Variants in IWS1 observed in about 807,000 individuals in gnomAD.
IWS1 encodes the protein interacts with SUPT6H, CTD assembly factor 1.
Under a neutral mutation model 86.7 loss-of-function variants are expected in IWS1, and 27 were observed. The observed-to-expected ratio is 0.31, with a 90% confidence interval of 0.23 to 0.43. The LOEUF is 0.43. Among genes scored for constraint, IWS1 ranks in the 20% least tolerant of loss-of-function variants. The probability of loss-of-function intolerance (pLI) is 1.00; values close to 1 mark genes in which losing one functional copy is unlikely to be tolerated. For synonymous variants in IWS1, 313 were observed against 335.1 expected (o/e 0.93, Z 0.72); for missense variants, 827 against 1,000.8 (o/e 0.83, Z 2.34).
intron 5 of IWS1, among the ~76,000 whole-genome samples, chr2:127,500,305 G>GT (rs2104690390): frequency 6.6e-6 from 1 of 152,228 alleles, no homozygotes; most frequent in African/African-American, 2.4e-5. Flanking sequence ...CTGTTCCCTG[G>GT]TTTTTTCGAT....
intron 4 of IWS1, 31 bp downstream of exon 4, chr2:127,503,356 C>A (rs1422725387): frequency 3.2e-6 from 5 of 1,544,028 alleles, no homozygotes; most frequent in Non-Finnish European, 4.4e-6. Context: ...AATTAAGAAC[C>A]CCTGAAAACT....
rs892930682 is a variant in IWS1 at position 127,480,895 on chromosome 2, T to C, written c.*149A>G. ...ACAAAGTACACAACGGTTTTAAATA[T>C]AACTGAGAGAAATGTGAGTCCTATG... On this transcript the variant is annotated 3_prime_UTR_variant, in exon 14 of 14. Transcript: ENST00000295321. The C allele has an allele frequency of 1.9e-5, 15 of 792,538 alleles. No homozygotes were observed. The Middle Eastern group carries it at 7.3e-4, about 38-fold the overall frequency. The allele number at this position is 792,538 out of a possible 1,614,324, so 49.1% of individuals were successfully genotyped here.
chr2:127,509,266 AAAAG>A (rs1186561761), intron 2 of IWS1, among the ~76,000 whole-genome samples: 2 of 152,192 alleles, frequency 1.3e-5, no homozygotes, highest in African/African-American at 4.8e-5. Context: ...AAAAAAATCC[AAAAG>A]ACAGTTTTTT....
chr2:127,493,946 G>A (rs925302017), intron 8 of IWS1, among the ~76,000 whole-genome samples: 1 of 151,882 alleles, frequency 6.6e-6, no homozygotes, highest in Admixed American at 6.6e-5. Context: ...ACCTGCCACA[G>A]ATAGTTTCCC....
In IWS1 at chr2:127,489,636, G is replaced by A. The variant is rs1355333646; in HGVS notation, c.2159+196C>T. The A allele has an allele frequency of 1.6e-5, 9 of 556,574 alleles. No homozygotes were observed. The highest frequency in any genetic ancestry group is 2.9e-5 in the Non-Finnish European group (9 of 315,084). 34.5% of individuals were successfully genotyped at this position (556,574 alleles called of 1,614,324 possible). A position where few individuals can be genotyped will look rare whatever the true frequency, so the allele number is the denominator to read the frequency against. ...CTGTTCCAACAAACTGACCCAGAAA[G>A]GTCTGGTTAGGAGGACAGGACCCTC... On this transcript the variant is annotated intron_variant, in intron 11 of 13. Transcript: ENST00000295321. The surrounding 1 kb of genome is among the most constrained non-coding windows in gnomAD (Gnocchi z 4.8).
intron 8 of IWS1, 113 bp from the exon 9 acceptor site, chr2:127,493,523 T>C: frequency 1.1e-6 from 1 of 943,400 alleles, no homozygotes; most frequent in East Asian, 2.9e-5. Flanking sequence ...GCGTTACTCA[T>C]ATAAATTTGA....
chr2:127,489,167 T>C lies in IWS1; in HGVS notation c.2216+12A>G. 6.2e-7 allele frequency: 1 copy of C among 1,601,228 alleles called. No homozygotes were observed. Among genetic ancestry groups the C allele is most frequent in the Non-Finnish European group, 8.6e-7 (1 of 1,169,346 alleles). On this transcript the variant is annotated intron_variant, in intron 12 of 13. Coordinates refer to ENST00000295321, the MANE Select transcript of IWS1 (RefSeq NM_017969.3). This position sits in a 1 kb window ranked among gnomAD's most constrained non-coding sequence, Gnocchi z 4.8. ...TATAGTCTAGGAAGAAAAATTAACA[T>C]TAAAACCTTACTTCTCCTCTCCTGT...
At chr2:127,516,033 G>A (rs1318904125) in intron 2 of IWS1, among the ~76,000 whole-genome samples, 1 of 152,106 alleles carries the variant, frequency 6.6e-6, no homozygotes, top group East Asian at 1.9e-4. Flanking sequence ...GAATACTGGG[G>A]CCCTAATCAC....
Position 127,505,582 on chromosome 2 carries a change from A to T in IWS1, c.321T>A (p.Asp107Glu). ...SEERAEPPAS[D>E]SENEDVNQHG... ...GCTGATTGACATCCTCATTTTCAGA[A>T]TCGCTTGCAGGAGGCTCTGCACGTT... Residue 107 changes from aspartate to glutamate, a missense_variant, in exon 3 of 14, where the codon GAT becomes GAA. Asp to Glu is a conservative substitution (Grantham distance 45). Transcript: ENST00000295321. The surrounding 1 kb of genome is among the most constrained non-coding windows in gnomAD (Gnocchi z 5.0). 1 of 1,613,738 alleles carries T rather than the reference A, an allele frequency of 6.2e-7. No individual in the cohort carries two copies. The highest frequency in any genetic ancestry group is 1.3e-5 in the African/African-American group (1 of 74,894).
At chr2:127,493,441 T>C in intron 8 of IWS1, 31 bp from the exon 9 acceptor site, 1 of 1,575,464 alleles carries the variant, frequency 6.3e-7, no homozygotes. Context: ...AAAAATTCTG[T>C]GAACCTTGGT....
rs562122692 is a variant in IWS1, at chr2:127,499,549, AAGTAT to A, written c.1468-1317_1468-1313del. On this transcript the variant is annotated intron_variant, in intron 5 of 13. Coordinates refer to ENST00000295321, the MANE Select transcript of IWS1 (RefSeq NM_017969.3). The surrounding 1 kb of genome is among the most constrained non-coding windows in gnomAD (Gnocchi z 4.0). The stretch of plus-strand genomic sequence containing the variant: ...TTGATGTTAAGTCTCCAAAACAGGT[AAGTAT>A]ACCTTATTCTTACAATATGGTGCTT... Among the ~76,000 whole-genome samples the A allele has an allele frequency of 6.8e-4, 104 of 152,336 alleles. 1 individual carries two copies. The highest frequency in any genetic ancestry group is 2.3e-3 in the African/African-American group (96 of 41,580).
In IWS1 at chr2:127,514,014, C is replaced by T. The variant is rs142152090; in HGVS notation, c.151-8262G>A. ...AAAACTGAGCTGCTAAAGCACCTGA[C>T]CGGAATGAGAACCTTTATTCCCGTT... On this transcript the variant is annotated intron_variant, in intron 2 of 13. Coordinates refer to ENST00000295321, the MANE Select transcript of IWS1 (RefSeq NM_017969.3). 6.1e-3 allele frequency among the ~76,000 whole-genome samples: 934 copies of T among 152,326 alleles called. 12 individuals are homozygous for T. The highest frequency in any genetic ancestry group is 0.022 in the African/African-American group (898 of 41,562).
At chr2:127,523,221 CATTATT>C (rs1036280544) in intron 2 of IWS1, among the ~76,000 whole-genome samples, 2 of 151,976 alleles carry the variant, frequency 1.3e-5, no homozygotes, top group African/African-American at 2.4e-5. Context: ...AAAAAAAAAG[CATTATT>C]ATTACATACA....
At chr2:127,512,649 T>C (rs544261462) in intron 2 of IWS1, among the ~76,000 whole-genome samples, 1 of 152,208 alleles carries the variant, frequency 6.6e-6, no homozygotes, top group Non-Finnish European at 1.5e-5. Context: ...TTTCTCCAAC[T>C]GGCAATGTCT....
intron 1 of IWS1, 136 bp downstream of exon 1, chr2:127,526,039 T>G: frequency 2.6e-6 from 2 of 771,138 alleles, no homozygotes; most frequent in Non-Finnish European, 4.1e-6. Flanking sequence ...GTCAGAGGGC[T>G]CTTGCCCTCC....
Position 127,489,038 on chromosome 2 carries a change from C to T in IWS1, c.2216+141G>A. 1.1e-5 allele frequency: 7 copies of T among 618,918 alleles called. No individual in the cohort carries two copies. The highest frequency in any genetic ancestry group is 2.0e-5 in the Non-Finnish European group (7 of 344,732). The allele number at this position is 618,918 out of a possible 1,614,324, so 38.3% of individuals were successfully genotyped here. A position where few individuals can be genotyped will look rare whatever the true frequency, so the allele number is the denominator to read the frequency against. On this transcript the variant is annotated intron_variant, in intron 12 of 13. Coordinates refer to ENST00000295321, the MANE Select transcript of IWS1 (RefSeq NM_017969.3). This position sits in a 1 kb window ranked among gnomAD's most constrained non-coding sequence, Gnocchi z 4.8. ...CATCCCCAGAGTACCCAATACAATG[C>T]TTTGTAGATACTAAACGTTAAAATG...
rs762302819 is a variant in IWS1, at chr2:127,486,571, C to A, written c.2310G>T (p.Val770=). ...KDYVVRPKWN[V]EMESSRFQAT... ...TGCTTACCCTGGATGACTCCATTTCCACATTCCATTTGGGCCTGACAACAT... is the reference window on the plus strand; with the variant it reads ...TGCTTACCCTGGATGACTCCATTTCAACATTCCATTTGGGCCTGACAACAT... Residue 770 remains valine, a synonymous_variant, in exon 13 of 14, where the codon GTG becomes GTT. Transcript: ENST00000295321. 6 of 1,613,832 alleles carry A rather than the reference C, an allele frequency of 3.7e-6. No individual in the cohort carries two copies. The highest frequency in any genetic ancestry group is 4.2e-6 in the Non-Finnish European group (5 of 1,179,728).
chr2:127,496,509 T>C (rs2104680512), intron 6 of IWS1, among the ~76,000 whole-genome samples: 1 of 151,344 alleles, frequency 6.6e-6, no homozygotes, highest in East Asian at 1.9e-4. Context: ...CCTGCTTTCA[T>C]TCATGGCAAG....
chr2:127,521,794 A>T (rs1558772691), intron 2 of IWS1, among the ~76,000 whole-genome samples: 1 of 152,148 alleles, frequency 6.6e-6, no homozygotes, highest in Admixed American at 6.5e-5. Flanking sequence ...TGATTTCCAA[A>T]TTTTCAAAAA....
Sources: allele counts gnomAD v4.1 joint callset (sites outside exome capture counted in the v4.1 genomes callset), GRCh38; gene constraint gnomAD v4.1.1; non-coding constraint Gnocchi (gnomAD v3.1); transcripts MANE v1.5; gene names NCBI Gene and HGNC (gene_info 2026-07-23, HGNC 2026-07-21).